ZNF365: variants seen among roughly 807,000 people sequenced by gnomAD.
ZNF365 encodes the protein protein ZNF365.
In ZNF365, 22 loss-of-function variants were observed where a neutral mutation model predicts 35.0. That is an observed-to-expected ratio of 0.63 (90% CI 0.45 to 0.90). The LOEUF is 0.90. Ranked by LOEUF, ZNF365 falls within the 40% of genes least tolerant of loss-of-function variation. ZNF365 has a pLI of 0.00. For missense variants in ZNF365, 448 were observed against 500.3 expected (o/e 0.90, Z 1.00); for synonymous variants, 188 against 196.2 (o/e 0.96, Z 0.35).
chr10:62,421,530 C>G (rs1218940181), intron 3 of ZNF365, among the ~76,000 whole-genome samples: 2 of 152,162 alleles, frequency 1.3e-5, no homozygotes, highest in African/African-American at 4.8e-5. Flanking sequence ...AAGCCAGGAA[C>G]TCTGCAAAAC....
chr10:62,394,587 A>C (rs1214076012), intron 3 of ZNF365, among the ~76,000 whole-genome samples: 8 of 152,230 alleles, frequency 5.3e-5, no homozygotes, highest in Admixed American at 3.9e-4. Flanking sequence ...ACCATTTTTC[A>C]GAGCATAAAG....
chr10:62,453,842 A>T (rs193245711), intron 3 of ZNF365, among the ~76,000 whole-genome samples: 146 of 152,304 alleles, frequency 9.6e-4, no homozygotes, highest in African/African-American at 3.3e-3. Context: ...TAAATGTCTA[A>T]TATTTGGGAT....
intron 3 of ZNF365, among the ~76,000 whole-genome samples, chr10:62,395,610 G>A (rs1839713021): frequency 6.6e-6 from 1 of 151,072 alleles, no homozygotes; most frequent in South Asian, 2.1e-4. Flanking sequence ...GCCCACGTCG[G>A]CCTCCTTTAG....
chr10:62,438,385 G>A (rs977600363), intron 3 of ZNF365, among the ~76,000 whole-genome samples: 3 of 151,556 alleles, frequency 2.0e-5, no homozygotes, highest in East Asian at 1.9e-4. Flanking sequence ...ATGAGGTTTC[G>A]CCACATTGCC....
chr10:62,434,216 T>A (rs910115853), intron 3 of ZNF365, among the ~76,000 whole-genome samples: 3 of 152,160 alleles, frequency 2.0e-5, no homozygotes, highest in Non-Finnish European at 2.9e-5. Context: ...TTGAATTAGA[T>A]AATCAGTAAG....
chr10:62,449,796 C>T (rs1840648641), intron 3 of ZNF365, among the ~76,000 whole-genome samples: 1 of 150,540 alleles, frequency 6.6e-6, no homozygotes, highest in African/African-American at 2.5e-5. Context: ...CTTTTTTGCA[C>T]TAGTCTTAGC....
chr10:62,384,814 T>C (rs1010881546), intron 2 of ZNF365, among the ~76,000 whole-genome samples: 1 of 152,238 alleles, frequency 6.6e-6, no homozygotes, highest in African/African-American at 2.4e-5. Flanking sequence ...AATCTATTGG[T>C]CTGTCTTGCA....
chr10:62,393,166 A>G (rs906078094), intron 3 of ZNF365, among the ~76,000 whole-genome samples: 5 of 152,076 alleles, frequency 3.3e-5, no homozygotes, highest in African/African-American at 4.8e-5. Context: ...GTCATCTCCT[A>G]TGGTCACAAC....
At chr10:62,465,426 G>A (rs773629684) in intron 4 of ZNF365, among the ~76,000 whole-genome samples, 25 of 152,158 alleles carry the variant, frequency 1.6e-4, no homozygotes, top group South Asian at 6.2e-4. Flanking sequence ...AGGTGGGAAG[G>A]GGTGTGTCCC....
intron 3 of ZNF365, among the ~76,000 whole-genome samples, chr10:62,423,335 T>C (rs1840202821): frequency 6.6e-6 from 1 of 152,162 alleles, no homozygotes; most frequent in African/African-American, 2.4e-5. Flanking sequence ...ATTTTGAATT[T>C]CAGCATTTCT....
At chr10:62,412,934 T>C (rs1245881896) in intron 3 of ZNF365, among the ~76,000 whole-genome samples, 3 of 152,076 alleles carry the variant, frequency 2.0e-5, no homozygotes, top group East Asian at 3.8e-4. Flanking sequence ...TGAAGGCAGT[T>C]CATAGCTGAT....
chr10:62,400,249 G>C lies in ZNF365; in HGVS notation c.*460G>C, dbSNP rs971732452. On this transcript the variant is annotated 3_prime_UTR_variant, in exon 5 of 5. Coordinates refer to ENST00000395254, the MANE Select transcript of ZNF365 (RefSeq NM_014951.3). ...CAGTAAAATGAAAATATTTGTGTTT[G>C]TGTATAACCTTCCCCTCAGCTAATT... 3.0e-6 allele frequency: 3 copies of C among 988,426 alleles called. No homozygotes were observed. Among genetic ancestry groups the C allele is most frequent in the Admixed American group, 6.0e-5 (1 of 16,724 alleles). 61.2% of individuals were successfully genotyped at this position (988,426 alleles called of 1,614,324 possible). A position where few individuals can be genotyped will look rare whatever the true frequency, so the allele number is the denominator to read the frequency against.
chr10:62,479,599 G>A (rs1453953023), intron 4 of ZNF365, among the ~76,000 whole-genome samples: 2 of 152,162 alleles, frequency 1.3e-5, no homozygotes, highest in Non-Finnish European at 2.9e-5. Flanking sequence ...GATAAAAACA[G>A]AGACTGTTCT....
At chr10:62,430,955 C>T (rs1378489830) in intron 3 of ZNF365, among the ~76,000 whole-genome samples, 1 of 152,164 alleles carries the variant, frequency 6.6e-6, no homozygotes, top group Non-Finnish European at 1.5e-5. Context: ...GAATCTAATA[C>T]TATCATTTTG....
At chr10:62,468,364 G>A (rs75498062) in intron 4 of ZNF365, among the ~76,000 whole-genome samples, 4,274 of 152,254 alleles carry the variant, frequency 0.028, 196 homozygotes, top group African/African-American at 0.098. Flanking sequence ...TGCATATTAT[G>A]AAACAACTAT....
intron 3 of ZNF365, among the ~76,000 whole-genome samples, chr10:62,392,724 G>A (rs1044119566): frequency 4.6e-5 from 7 of 152,024 alleles, no homozygotes; most frequent in Non-Finnish European, 5.9e-5. Context: ...TCCACCTCTC[G>A]GGTTCAAGTG....
At chr10:62,406,338 C>T (rs1589439319), downstream of ZNF365, among the ~76,000 whole-genome samples, 1 of 152,168 alleles carries the variant, frequency 6.6e-6, no homozygotes, top group East Asian at 1.9e-4. Flanking sequence ...AGCTTCATAA[C>T]TCTCAGAATA....
Position 62,444,923 on chromosome 10 carries a change from C to G in ZNF365, c.925-14818C>G, listed in dbSNP as rs563819405. Among the ~76,000 whole-genome samples, 376 of 152,160 alleles carry G rather than the reference C, an allele frequency of 2.5e-3. 1 individual carries two copies. Among genetic ancestry groups the G allele is most frequent in the South Asian group, 6.9e-3 (33 of 4,814 alleles). On this transcript the variant is annotated intron_variant, in intron 3 of 4. Coordinates refer to the ZNF365 transcript ENST00000395255. ...TATATCTCCTAATGCTATCCCTCCC[C>G]CCTCTCCCCACCCCACAACAGTCCC...
At position 62,401,688 on chromosome 10, in the gene ZNF365, A is replaced by T. The variant is rs201595815; in HGVS notation, c.*1899A>T. ...GCACCTTAGCCTTTTACATACTAAAAACATGACTTGTTAGTTGTATTGCAT... is the reference window on the plus strand; with the variant it reads ...GCACCTTAGCCTTTTACATACTAAATACATGACTTGTTAGTTGTATTGCAT... On this transcript the variant is annotated 3_prime_UTR_variant, in exon 5 of 5. Transcript: ENST00000395254. 37 of 985,542 alleles carry T rather than the reference A, an allele frequency of 3.8e-5. No homozygotes were observed. In the East Asian group the frequency reaches 3.7e-3, roughly 98 times the overall value. The allele number at this position is 985,542 out of a possible 1,614,324, so 61.0% of individuals were successfully genotyped here. A position where few individuals can be genotyped will look rare whatever the true frequency, so the allele number is the denominator to read the frequency against.
Sources: allele counts gnomAD v4.1 joint callset (sites outside exome capture counted in the v4.1 genomes callset), GRCh38; gene constraint gnomAD v4.1.1; transcripts MANE v1.5; gene names NCBI Gene and HGNC (gene_info 2026-07-23, HGNC 2026-07-21).